Variants in UBE2U observed in about 807,000 individuals in gnomAD.
The protein encoded by UBE2U is ubiquitin conjugating enzyme E2 U, also known as ubiquitin-conjugating enzyme E2 U.
Under a neutral mutation model 41.2 loss-of-function variants are expected in UBE2U, and 39 were observed. The observed-to-expected ratio is 0.95, with a 90% CI of 0.73 to 1.24. UBE2U has a LOEUF of 1.24. Ranked by LOEUF, UBE2U falls within the 50% of genes most tolerant of loss-of-function variation. The pLI is 0.00. For synonymous variants in UBE2U, 107 were observed against 117.8 expected (o/e 0.91, Z 0.60); for missense variants, 336 against 363.1 (o/e 0.93, Z 0.61).
intron 7 of UBE2U, among the ~76,000 whole-genome samples, chr1:64,233,286 C>T (rs1042593187): frequency 5.9e-5 from 9 of 152,016 alleles, no homozygotes; most frequent in African/African-American, 1.2e-4. Context: ...GGATTACAGG[C>T]GTGAGCCACC....
chr1:64,241,551 A>C lies in UBE2U; in HGVS notation c.596-101A>C. The C allele has an allele frequency of 3.8e-6, 3 of 791,790 alleles. 1 individual carries two copies. The Admixed American group carries it at 8.5e-5, about 22-fold the overall frequency. 49.0% of individuals were successfully genotyped at this position (791,790 alleles called of 1,614,324 possible). A position where few individuals can be genotyped will look rare whatever the true frequency, so the allele number is the denominator to read the frequency against. ...GAATTATATAGTGCATGTTATTGCC[A>C]CATATCAAGTTAATGAGAAGTGAAT... On this transcript the variant is annotated intron_variant, in intron 7 of 9. Coordinates refer to ENST00000371077, the MANE Select transcript of UBE2U (RefSeq NM_001366232.2).
intron 5 of UBE2U, among the ~76,000 whole-genome samples, chr1:64,219,442 A>G (rs1652267564): frequency 6.6e-6 from 1 of 152,024 alleles, no homozygotes; most frequent in Non-Finnish European, 1.5e-5. Flanking sequence ...TTGATAAGCT[A>G]TTGAAATCTC....
intron 9 of UBE2U, among the ~76,000 whole-genome samples, chr1:64,266,494 A>C (rs1412438324): frequency 6.6e-6 from 1 of 152,188 alleles, no homozygotes; most frequent in Non-Finnish European, 1.5e-5. Flanking sequence ...TGTCTGAGTT[A>C]AATAATATTA....
At chr1:64,260,367 T>A (rs1645162518) in intron 8 of UBE2U, among the ~76,000 whole-genome samples, 1 of 152,230 alleles carries the variant, frequency 6.6e-6, no homozygotes, top group Non-Finnish European at 1.5e-5. Flanking sequence ...TACTATGACA[T>A]AAGTAGTAAA....
Position 64,250,373 on chromosome 1 carries a change from T to A in UBE2U, c.677+8640T>A, listed in dbSNP as rs150381608. On this transcript the variant is annotated intron_variant, in intron 8 of 9. Transcript: ENST00000371077. Reference sequence around the variant, plus strand: ...ACACAAAGACAACTTTAAACCCAGATGGCTTCACTGGAGAATTTTCCCACA... The same window carrying A: ...ACACAAAGACAACTTTAAACCCAGAAGGCTTCACTGGAGAATTTTCCCACA... 1.4e-3 allele frequency among the ~76,000 whole-genome samples: 212 copies of A among 152,278 alleles called. 1 individual carries two copies. Among genetic ancestry groups the A allele is most frequent in the African/African-American group, 4.8e-3 (201 of 41,564 alleles).
chr1:64,219,609 G>A (rs1652283290), intron 5 of UBE2U, among the ~76,000 whole-genome samples: 1 of 148,688 alleles, frequency 6.7e-6, no homozygotes, highest in South Asian at 2.1e-4. Context: ...TTTTTAGACG[G>A]AGTCTCACTC....
At chr1:64,220,347 C>T (rs780537300) in intron 5 of UBE2U, among the ~76,000 whole-genome samples, 1 of 152,036 alleles carries the variant, frequency 6.6e-6, no homozygotes, top group Non-Finnish European at 1.5e-5. Flanking sequence ...CTTGTCTGTT[C>T]GATATGATTT....
chr1:64,218,726 G>C (rs1569989418), intron 5 of UBE2U, among the ~76,000 whole-genome samples: 1 of 152,042 alleles, frequency 6.6e-6, no homozygotes, highest in East Asian at 1.9e-4. Flanking sequence ...AATATGATTT[G>C]GTTACATTAA....
intron 8 of UBE2U, among the ~76,000 whole-genome samples, chr1:64,255,728 C>T (rs747579057): frequency 6.6e-5 from 10 of 152,072 alleles, no homozygotes; most frequent in South Asian, 2.1e-4. Context: ...CCTCTCTCAC[C>T]GCTCCTATTC....
chr1:64,221,026 T>A, intron 6 of UBE2U, 119 bp downstream of exon 6: 1 of 652,350 alleles, frequency 1.5e-6, no homozygotes, highest in Non-Finnish European at 2.5e-6. Flanking sequence ...CATCTTATAA[T>A]ATCTTTTTAA....
At chr1:64,252,363 T>C (rs1303835207) in intron 8 of UBE2U, among the ~76,000 whole-genome samples, 1 of 152,030 alleles carries the variant, frequency 6.6e-6, no homozygotes, top group African/African-American at 2.4e-5. Context: ...CGAGGAAGGG[T>C]CCCCCTCAAT....
intron 8 of UBE2U, among the ~76,000 whole-genome samples, chr1:64,258,580 T>C (rs925206581): frequency 2.6e-5 from 4 of 152,166 alleles, no homozygotes; most frequent in African/African-American, 9.7e-5. Flanking sequence ...TGTTTGGTTT[T>C]CTGTCCTTGT....
chr1:64,241,673 T>C lies in UBE2U; in HGVS notation c.617T>C (p.Ile206Thr), dbSNP rs199827066. 5.1e-4 allele frequency: 815 copies of C among 1,607,606 alleles called. 17 individuals carry two copies. In the South Asian group the frequency reaches 7.2e-3, roughly 14 times the overall value. ...TCAGTGCTCAAAGTTCCAAATTTCA[T>C]TGGACAGTATTACAAATGGAAGAAA... ...RTPLLKVPNF[I>T]GQYYKWKKMD... Residue 206 changes from isoleucine (I) to threonine (T), a missense_variant, in exon 8 of 10, where the codon ATT becomes ACT. Transcript: ENST00000371077.
intron 8 of UBE2U, 35 bp downstream of exon 8, chr1:64,241,768 A>C: frequency 6.7e-7 from 1 of 1,497,096 alleles, no homozygotes; most frequent in Non-Finnish European, 9.2e-7. Context: ...TGTGTACATT[A>C]ACTTGAATTG....
Position 64,260,707 on chromosome 1 carries a change from A to G in UBE2U, c.769+13A>G, listed in dbSNP as rs1454212111. ...TGCCCAACTCTAAGTAAATCGATTC[A>G]CTCTATTTGTTTTGCTTTTATAAAT... On this transcript the variant is annotated intron_variant, in intron 9 of 9. Transcript: ENST00000371077. 1 of 1,540,808 alleles carries G rather than the reference A, an allele frequency of 6.5e-7. No individual in the cohort carries two copies. The highest frequency in any genetic ancestry group is 1.4e-5 in the African/African-American group (1 of 72,614).
Position 64,260,691 on chromosome 1 carries a change from C to CT in UBE2U, c.767dup (p.Asn257LysfsTer2). On this transcript the variant is annotated frameshift_variant, in exon 9 of 10. Coordinates refer to ENST00000371077, the MANE Select transcript of UBE2U (RefSeq NM_001366232.2). LOFTEE classifies it low-confidence loss of function (END_TRUNC). ...GGAAGAAATTAAGCTCTGCCCAACT[C>CT]TAAGTAAATCGATTCACTCTATTTG... is the stretch of plus-strand genomic sequence containing the variant. 3.9e-6 allele frequency: 6 copies of CT among 1,547,524 alleles called. No individual in the cohort carries two copies. Among genetic ancestry groups the CT allele is most frequent in the Non-Finnish European group, 5.2e-6 (6 of 1,145,354 alleles).
chr1:64,239,366 G>C (rs922808629), intron 7 of UBE2U, among the ~76,000 whole-genome samples: 2 of 151,646 alleles, frequency 1.3e-5, no homozygotes, highest in South Asian at 4.2e-4. Context: ...AACATAGTAG[G>C]GTTTTTTTTA....
chr1:64,205,252 A>C (rs891799983), intron 1 of UBE2U, among the ~76,000 whole-genome samples: 1 of 152,190 alleles, frequency 6.6e-6, no homozygotes, highest in African/African-American at 2.4e-5. Flanking sequence ...CATGCCTTTC[A>C]TATAGCATTC....
At chr1:64,262,456 T>A (rs1645192715) in intron 9 of UBE2U, among the ~76,000 whole-genome samples, 1 of 152,164 alleles carries the variant, frequency 6.6e-6, no homozygotes, top group Non-Finnish European at 1.5e-5. Flanking sequence ...GTGGTTTGAA[T>A]GGGGGAGGAA....
Sources: allele counts gnomAD v4.1 joint callset (sites outside exome capture counted in the v4.1 genomes callset), GRCh38; gene constraint gnomAD v4.1.1; transcripts MANE v1.5; gene names NCBI Gene and HGNC (gene_info 2026-07-23, HGNC 2026-07-21).